Variants in FBXL22 observed in about 807,000 individuals in gnomAD.
FBXL22 encodes the protein F-box and leucine-rich protein 22.
A neutral mutation model predicts 11.7 loss-of-function variants in FBXL22; 13 were observed. The ratio of observed to expected loss-of-function variants is 1.11; its 90% CI spans 0.73 to 1.77. The LOEUF (loss-of-function observed/expected upper bound fraction) is 1.77. FBXL22 is among the 40% of genes most tolerant of loss of function. FBXL22 has a pLI of 0.00. For synonymous variants in FBXL22, 160 were observed against 144.1 expected (o/e 1.11, Z -0.79); for missense variants, 406 against 320.4 (o/e 1.27, Z -2.04).
Position 63,597,529 on chromosome 15 carries a change from C to T in FBXL22, c.137C>T (p.Pro46Leu). 1 of 1,614,146 alleles carries T rather than the reference C, an allele frequency of 6.2e-7. No individual in the cohort carries two copies. Among genetic ancestry groups the T allele is most frequent in the Non-Finnish European group, 8.5e-7 (1 of 1,180,026 alleles). ...CAGCTCCACGACGTGTTTGAGGACC[C>T]CGCACTCTGGTCCCTGCTGCACTTC... Reference protein sequence around the residue: ...CSQLHDVFEDPALWSLLHFRS... With the variant: ...CSQLHDVFEDLALWSLLHFRS... The change falls in exon 1 of 2, where the codon CCC becomes CTC. Residue 46 changes from proline (P) to leucine (L), a missense_variant. Coordinates refer to ENST00000638704, the MANE Select transcript of FBXL22 (RefSeq NM_001367807.1). The surrounding 1 kb of genome is among the most constrained non-coding windows in gnomAD (Gnocchi z 4.3).
chr15:63,601,740 C>T (rs959441185), downstream of FBXL22: 97 of 1,551,914 alleles, frequency 6.3e-5, no homozygotes, highest in African/African-American at 1.2e-3. Flanking sequence ...CTTACATAAA[C>T]TGCATAGTTA....
Position 63,597,781 on chromosome 15 carries a change from G to T in FBXL22, c.353+36G>T. ...TTGCCTCCTGAGCAGTGCTGGCCCC[G>T]CTAGCTCTGGCTTCCCTCTTGGGGG... On this transcript the variant is annotated intron_variant, in intron 1 of 1. Transcript: ENST00000638704. The surrounding 1 kb of genome is among the most constrained non-coding windows in gnomAD (Gnocchi z 4.3). The T allele has an allele frequency of 6.6e-7, 1 of 1,516,656 alleles. No individual in the cohort carries two copies. The highest frequency in any genetic ancestry group is 8.9e-7 in the Non-Finnish European group (1 of 1,128,754). The allele number at this position is 1,516,656 out of a possible 1,614,324, so 93.9% of individuals were successfully genotyped here. A position where few individuals can be genotyped will look rare whatever the true frequency, so the allele number is the denominator to read the frequency against.
chr15:63,598,352 AT>A (rs2067306883), intron 1 of FBXL22, among the ~76,000 whole-genome samples: 1 of 152,218 alleles, frequency 6.6e-6, no homozygotes, highest in Non-Finnish European at 1.5e-5. Context: ...ATTTTAGCAA[AT>A]ATATAGGCTG....
downstream of FBXL22, among the ~76,000 whole-genome samples, chr15:63,605,121 A>G (rs1345198230): frequency 6.6e-6 from 1 of 152,218 alleles, no homozygotes; most frequent in Non-Finnish European, 1.5e-5. Context: ...AGCATATAAC[A>G]AAGAGCCCTG....
chr15:63,597,710 C>G lies in FBXL22; in HGVS notation c.318C>G (p.Ser106Arg), dbSNP rs762053791. The change falls in exon 1 of 2, where the codon AGC (serine) becomes AGG (arginine). Residue 106 changes from serine (S) to arginine (R), a missense_variant. Physicochemically the swap from Ser to Arg is moderately radical, Grantham distance 110. Coordinates refer to ENST00000638704, the MANE Select transcript of FBXL22 (RefSeq NM_001367807.1). This position sits in a 1 kb window ranked among gnomAD's most constrained non-coding sequence, Gnocchi z 4.3. ...FQRSICSRHESLVNDFLLRVC... is the reference protein window; with the variant it reads ...FQRSICSRHERLVNDFLLRVC... ...GAAGCATCTGCAGCCGGCACGAGAG[C>G]CTGGTCAATGATTTCCTCCTCCGGG... 4 of 1,595,646 alleles carry G rather than the reference C, an allele frequency of 2.5e-6. No homozygotes were observed. The African/African-American group carries it at 4.0e-5, about 16-fold the overall frequency.
At chr15:63,601,309 C>T (rs916372850), downstream of FBXL22, 2 of 1,589,214 alleles carry the variant, frequency 1.3e-6, no homozygotes, top group South Asian at 1.1e-5. Flanking sequence ...TTCTGCTGTG[C>T]GCTCCCCACG....
At chr15:63,606,516 C>T (rs1465793027), downstream of FBXL22, among the ~76,000 whole-genome samples, 1 of 152,160 alleles carries the variant, frequency 6.6e-6, no homozygotes, top group East Asian at 1.9e-4. Context: ...CACTTCAGCT[C>T]CTCAGATCAG....
downstream of FBXL22, chr15:63,601,798 GAAAA>G: frequency 1.5e-6 from 2 of 1,333,722 alleles, no homozygotes; most frequent in Non-Finnish European, 2.0e-6. Context: ...TGATTTGGAA[GAAAA>G]AAAAAGCCTC....
Position 63,599,149 on chromosome 15 carries a change from A to G in FBXL22, c.353+1404A>G, listed in dbSNP as rs116097535. On this transcript the variant is annotated intron_variant, in intron 1 of 1. Coordinates refer to ENST00000638704, the MANE Select transcript of FBXL22 (RefSeq NM_001367807.1). ...AAAATGTGCTAAATTTTTCTTATCC[A>G]ACAGGGTAAGAGGATTAAATGACAC... is the stretch of plus-strand genomic sequence containing the variant. The G allele has an allele frequency of 1.1e-3, 1,677 of 1,480,110 alleles. 15 individuals carry two copies. The African/African-American group carries it at 0.02, about 18-fold the overall frequency. 91.7% of individuals were successfully genotyped at this position (1,480,110 alleles called of 1,614,324 possible). A position where few individuals can be genotyped will look rare whatever the true frequency, so the allele number is the denominator to read the frequency against.
Position 63,601,064 on chromosome 15 carries a change from G to T in FBXL22, c.*25G>T, listed in dbSNP as rs1273140809. 1 of 1,232,272 alleles carries T rather than the reference G, an allele frequency of 8.1e-7. No individual in the cohort carries two copies. The highest frequency in any genetic ancestry group is 1.0e-6 in the Non-Finnish European group (1 of 988,158). 76.3% of individuals were successfully genotyped at this position (1,232,272 alleles called of 1,614,324 possible). On this transcript the variant is annotated 3_prime_UTR_variant, in exon 2 of 2. Transcript: ENST00000638704. ...GACGCCGCCCCGCCGCTGCCCCCGG[G>T]GAAGGAGCGCAGCCCCAGACCGTCC...
At chr15:63,606,464 TAAGAGCTG>T (rs2067413425), downstream of FBXL22, among the ~76,000 whole-genome samples, 2 of 152,244 alleles carry the variant, frequency 1.3e-5, no homozygotes, top group Admixed American at 1.3e-4. Flanking sequence ...TAAGCCTCTC[TAAGAGCTG>T]AAAGTAAACC....
the FBXL22 span, among the ~76,000 whole-genome samples, chr15:63,607,845 C>G: frequency 6.6e-6 from 1 of 152,138 alleles, no homozygotes; most frequent in African/African-American, 2.4e-5. Flanking sequence ...TGCACACACT[C>G]CAAGAGGCCA....
chr15:63,599,405 C>T, intron 1 of FBXL22: 1 of 1,371,040 alleles, frequency 7.3e-7, no homozygotes, highest in South Asian at 1.8e-5. Context: ...GTAACAATTC[C>T]TCCCACTTGA....
At position 63,597,953 on chromosome 15, in the gene FBXL22, G is replaced by A. The variant is rs550551575; in HGVS notation, c.353+208G>A. Among the ~76,000 whole-genome samples, 1 of 152,332 alleles carries A rather than the reference G, an allele frequency of 6.6e-6. No individual in the cohort carries two copies. The highest frequency in any genetic ancestry group is 1.5e-5 in the Non-Finnish European group (1 of 68,032). On this transcript the variant is annotated intron_variant, in intron 1 of 1. Coordinates refer to ENST00000638704, the MANE Select transcript of FBXL22 (RefSeq NM_001367807.1). This position sits in a 1 kb window ranked among gnomAD's most constrained non-coding sequence, Gnocchi z 4.3. ...GAAACAATTGCTAATCCTCCTCTTAGCCTCACAGGTCCTGGGCTGCTTCAT... is the reference window on the plus strand; with the variant it reads ...GAAACAATTGCTAATCCTCCTCTTAACCTCACAGGTCCTGGGCTGCTTCAT...
downstream of FBXL22, chr15:63,601,409 T>C: frequency 6.3e-7 from 1 of 1,593,712 alleles, no homozygotes; most frequent in South Asian, 1.1e-5. Flanking sequence ...CACTCGGAGT[T>C]CGCCGACTTG....
chr15:63,597,802 G>A lies in FBXL22; in HGVS notation c.353+57G>A, dbSNP rs1258880634. The A allele has an allele frequency of 2.0e-6, 3 of 1,481,642 alleles. No individual in the cohort carries two copies. In the South Asian group the frequency reaches 3.9e-5, roughly 19 times the overall value. The allele number at this position is 1,481,642 out of a possible 1,614,324, so 91.8% of individuals were successfully genotyped here. On this transcript the variant is annotated intron_variant, in intron 1 of 1. Transcript: ENST00000638704. This position sits in a 1 kb window ranked among gnomAD's most constrained non-coding sequence, Gnocchi z 4.3. Reference sequence around the variant, plus strand: ...CCCCGCTAGCTCTGGCTTCCCTCTTGGGGGGCAGGGAAGAGCAAATTACGA... The same window carrying A: ...CCCCGCTAGCTCTGGCTTCCCTCTTAGGGGGCAGGGAAGAGCAAATTACGA...
downstream of FBXL22, among the ~76,000 whole-genome samples, chr15:63,606,041 G>T (rs1028706945): frequency 6.6e-6 from 1 of 152,216 alleles, no homozygotes; most frequent in Middle Eastern, 3.2e-3. Context: ...TGTTCGGAGG[G>T]GAAGTGACTG....
At position 63,597,482 on chromosome 15, in the gene FBXL22, G is replaced by A; in HGVS notation, c.90G>A (p.Lys30=). ...CCTTCCTAGACAAGGACAGCAGGAAGAGCCTTGCCAGGACCTGCTCCCAGC... is the reference window on the plus strand; with the variant it reads ...CCTTCCTAGACAAGGACAGCAGGAAAAGCCTTGCCAGGACCTGCTCCCAGC... ...LFSFLDKDSR[K]SLARTCSQLH... Residue 30 remains lysine (K), a synonymous_variant, in exon 1 of 2, where the codon AAG becomes AAA. Transcript: ENST00000638704. This position sits in a 1 kb window ranked among gnomAD's most constrained non-coding sequence, Gnocchi z 4.3. 1.9e-6 allele frequency: 3 copies of A among 1,614,104 alleles called. No homozygotes were observed. Among genetic ancestry groups the A allele is most frequent in the Non-Finnish European group, 2.5e-6 (3 of 1,180,026 alleles).
chr15:63,601,712 G>C, downstream of FBXL22: 1 of 1,595,422 alleles, frequency 6.3e-7, no homozygotes, highest in Non-Finnish European at 8.5e-7. Flanking sequence ...TAGAAAATTC[G>C]CTCCCAATTG....
Sources: gnomAD v4.1 joint callset for allele counts (sites outside exome capture counted in the v4.1 genomes callset) on GRCh38, gnomAD v4.1.1 for gene constraint, Gnocchi (gnomAD v3.1) non-coding constraint, MANE v1.5 for transcripts, NCBI Gene and HGNC (gene_info 2026-07-23, HGNC 2026-07-21) for gene names.